Variants in NRROS observed in about 807,000 individuals in gnomAD.
NRROS encodes transforming growth factor beta activator LRRC33.
Under a neutral mutation model 12.0 loss-of-function variants are expected in NRROS, and 6 were observed. The ratio of observed to expected loss-of-function variants is 0.50; its 90% CI spans 0.27 to 0.98. NRROS has a LOEUF of 0.98. NRROS is among the 50% of genes least tolerant of loss of function. NRROS has a pLI of 0.11. For missense variants in NRROS, 857 were observed against 888.2 expected (o/e 0.96, Z 0.45); for synonymous variants, 462 against 410.2 (o/e 1.13, Z -1.53).
In NRROS at chr3:196,654,257, G is replaced by A. The variant is rs1256109380; in HGVS notation, c.-13-270G>A. On this transcript the variant is annotated intron_variant, in intron 1 of 2. Transcript: ENST00000328557. This position sits in a 1 kb window ranked among gnomAD's most constrained non-coding sequence, Gnocchi z 4.4. Reference sequence around the variant, plus strand: ...CTCAAGCTTTTTGCTTCTCCCTTCTGTGCTGGACTCGCTGAAGTTTAGTGT... The same window carrying A: ...CTCAAGCTTTTTGCTTCTCCCTTCTATGCTGGACTCGCTGAAGTTTAGTGT... Among the ~76,000 whole-genome samples, 1 of 152,204 alleles carries A rather than the reference G, an allele frequency of 6.6e-6. No homozygotes were observed. The highest frequency in any genetic ancestry group is 1.5e-5 in the Non-Finnish European group (1 of 68,030).
rs768300728 is a variant in NRROS at position 196,661,655 on chromosome 3, T to C, written c.2012T>C (p.Val671Ala). ...CTGCTGGTGGCCTGCACTGTCATCG[T>C]CCTCACTTTTAAGAAGCCTCTGCTT... is the stretch of plus-strand genomic sequence containing the variant. ...LTLLVACTVI[V>A]LTFKKPLLQV... is the part of the protein sequence containing the mutation. The change falls in exon 3 of 3, where the codon GTC becomes GCC. Residue 671 changes from valine to alanine, a missense_variant. Transcript: ENST00000328557. 5 of 1,608,152 alleles carry C rather than the reference T, an allele frequency of 3.1e-6. No individual in the cohort carries two copies. Among genetic ancestry groups the C allele is most frequent in the South Asian group, 1.1e-5 (1 of 91,088 alleles).
rs1157225782 is a variant in NRROS, at chr3:196,647,838, C to T, written c.-13-6689C>T. Among the ~76,000 whole-genome samples the T allele has an allele frequency of 3.9e-5, 6 of 151,954 alleles. 1 individual carries two copies. Among genetic ancestry groups the T allele is most frequent in the Admixed American group, 1.3e-4 (2 of 15,246 alleles). On this transcript the variant is annotated intron_variant, in intron 1 of 2. Transcript: ENST00000328557. Reference sequence around the variant, plus strand: ...CCTCCCAAAGTGCTGGGATTACAAGCGTGAGCCACTGCGCCCAGCCACCTG... The same window carrying T: ...CCTCCCAAAGTGCTGGGATTACAAGTGTGAGCCACTGCGCCCAGCCACCTG...
At chr3:196,649,158 G>A (rs1737364909) in intron 1 of NRROS, among the ~76,000 whole-genome samples, 1 of 152,212 alleles carries the variant, frequency 6.6e-6, no homozygotes, top group Admixed American at 6.5e-5. Context: ...AGGGACCAGA[G>A]CTGCTTGCTT....
intron 2 of NRROS, among the ~76,000 whole-genome samples, chr3:196,656,121 C>T (rs1220110030): frequency 2.6e-5 from 4 of 152,092 alleles, no homozygotes; most frequent in African/African-American, 4.8e-5. Flanking sequence ...GAGCTGACAT[C>T]GTGCCACTGC....
In NRROS at chr3:196,661,856, C is replaced by T; in HGVS notation, c.*134C>T. The T allele has an allele frequency of 1.4e-6, 1 of 718,898 alleles. No individual in the cohort carries two copies. Among genetic ancestry groups the T allele is most frequent in the Non-Finnish European group, 2.1e-6 (1 of 473,330 alleles). 44.5% of individuals were successfully genotyped at this position (718,898 alleles called of 1,614,324 possible). A position where few individuals can be genotyped will look rare whatever the true frequency, so the allele number is the denominator to read the frequency against. On this transcript the variant is annotated 3_prime_UTR_variant, in exon 3 of 3. Coordinates refer to ENST00000328557, the MANE Select transcript of NRROS (RefSeq NM_198565.3). ...ATTAAAATTTAATATGTTTCCATTCCTCATCGCCCACCCCACCCCCGCCCC... is the reference window on the plus strand; with the variant it reads ...ATTAAAATTTAATATGTTTCCATTCTTCATCGCCCACCCCACCCCCGCCCC...
intron 2 of NRROS, among the ~76,000 whole-genome samples, chr3:196,656,476 A>G (rs563567164): frequency 6.6e-6 from 1 of 152,298 alleles, no homozygotes; most frequent in East Asian, 1.9e-4. Context: ...TATATACGTA[A>G]TAATAATATC....
Position 196,661,906 on chromosome 3 carries a change from A to G in NRROS, c.*184A>G, listed in dbSNP as rs1243038464. Reference sequence around the variant, plus strand: ...CCACCACCGCCCAAGTTCTTTTTCCATCATTATAATTCATCCTCATTATCT... The same window carrying G: ...CCACCACCGCCCAAGTTCTTTTTCCGTCATTATAATTCATCCTCATTATCT... On this transcript the variant is annotated 3_prime_UTR_variant, in exon 3 of 3. Transcript: ENST00000328557. 1 of 410,786 alleles carries G rather than the reference A, an allele frequency of 2.4e-6. No homozygotes were observed. The highest frequency in any genetic ancestry group is 4.0e-6 in the Non-Finnish European group (1 of 248,326). The allele number at this position is 410,786 out of a possible 1,614,324, so 25.4% of individuals were successfully genotyped here.
intron 1 of NRROS, 138 bp downstream of exon 1, chr3:196,640,013 T>C (rs937593395): frequency 6.6e-6 from 1 of 152,404 alleles, no homozygotes; most frequent in Non-Finnish European, 1.5e-5. Flanking sequence ...AGCTGTGGCT[T>C]GCTGCGTCCA....
chr3:196,642,137 C>G (rs1202666635), intron 1 of NRROS, among the ~76,000 whole-genome samples: 1 of 152,048 alleles, frequency 6.6e-6, no homozygotes, highest in African/African-American at 2.4e-5. Flanking sequence ...TCTGAAAGCT[C>G]AGAGACGTGA....
chr3:196,654,335 A>G lies in NRROS; in HGVS notation c.-13-192A>G, dbSNP rs1560054334. ...GGCAAAATGAAATTGAGTTCTTGTCAACAGTTTCAGTGAAAGGCCGGAAGT... is the reference window on the plus strand; with the variant it reads ...GGCAAAATGAAATTGAGTTCTTGTCGACAGTTTCAGTGAAAGGCCGGAAGT... On this transcript the variant is annotated intron_variant, in intron 1 of 2. Transcript: ENST00000328557. This position sits in a 1 kb window ranked among gnomAD's most constrained non-coding sequence, Gnocchi z 4.4. Among the ~76,000 whole-genome samples the G allele has an allele frequency of 6.6e-6, 1 of 152,200 alleles. No individual in the cohort carries two copies. The highest frequency in any genetic ancestry group is 1.5e-5 in the Non-Finnish European group (1 of 68,036).
At chr3:196,642,659 G>A (rs1365018528) in intron 1 of NRROS, among the ~76,000 whole-genome samples, 1 of 152,210 alleles carries the variant, frequency 6.6e-6, no homozygotes, top group Non-Finnish European at 1.5e-5. Context: ...CCCCGCCCTG[G>A]AACCAGGAGC....
At chr3:196,651,356 T>C (rs549176999) in intron 1 of NRROS, among the ~76,000 whole-genome samples, 1 of 152,288 alleles carries the variant, frequency 6.6e-6, no homozygotes, top group Non-Finnish European at 1.5e-5. Flanking sequence ...AGAGGATATT[T>C]AATGCAAGAA....
intron 1 of NRROS, among the ~76,000 whole-genome samples, chr3:196,646,752 C>A (rs1279823149): frequency 6.6e-6 from 1 of 152,294 alleles, no homozygotes; most frequent in African/African-American, 2.4e-5. Context: ...CTCATCCATT[C>A]CCAGAGAGTC....
intron 1 of NRROS, among the ~76,000 whole-genome samples, chr3:196,641,099 A>G (rs2108634213): frequency 6.6e-6 from 1 of 152,204 alleles, no homozygotes; most frequent in East Asian, 1.9e-4. Flanking sequence ...TTATAGAATC[A>G]TGGGCCCAGG....
At position 196,661,613 on chromosome 3, in the gene NRROS, T is replaced by C. The variant is rs1417199460; in HGVS notation, c.1970T>C (p.Leu657Pro). 3 of 1,613,112 alleles carry C rather than the reference T, an allele frequency of 1.9e-6. No homozygotes were observed. In the South Asian group the frequency reaches 3.3e-5, roughly 18 times the overall value. ...GGCCTGCTCTACCTCGTGCTCATCC[T>C]CCCCAGCTGCCTCACCCTGCTGGTG... ...DLGLLYLVLI[L>P]PSCLTLLVAC... Residue 657 changes from leucine (L) to proline (P), a missense_variant, in exon 3 of 3, where the codon CTC (leucine) becomes CCC (proline). Leu to Pro is a moderately conservative substitution (Grantham distance 98). Transcript: ENST00000328557.
chr3:196,654,258 T>C lies in NRROS; in HGVS notation c.-13-269T>C, dbSNP rs1737489251. 6.6e-6 allele frequency among the ~76,000 whole-genome samples: 1 copy of C among 152,220 alleles called. No homozygotes were observed. Among genetic ancestry groups the C allele is most frequent in the African/African-American group, 2.4e-5 (1 of 41,460 alleles). ...TCAAGCTTTTTGCTTCTCCCTTCTG[T>C]GCTGGACTCGCTGAAGTTTAGTGTT... On this transcript the variant is annotated intron_variant, in intron 1 of 2. Transcript: ENST00000328557. The surrounding 1 kb of genome is among the most constrained non-coding windows in gnomAD (Gnocchi z 4.4).
In NRROS at chr3:196,646,880, C is replaced by A. The variant is rs75090899; in HGVS notation, c.-14+7005C>A. Among the ~76,000 whole-genome samples the A allele has an allele frequency of 1.4e-4, 21 of 152,302 alleles. No homozygotes were observed. In the South Asian group the frequency reaches 2.3e-3, roughly 17 times the overall value. On this transcript the variant is annotated intron_variant, in intron 1 of 2. Transcript: ENST00000328557. ...CATGGCACTGCCTTCGCCGAGCCGC[C>A]GCGTGCCTCTCTTTTCACCTCTCTG...
intron 2 of NRROS, among the ~76,000 whole-genome samples, chr3:196,657,837 G>A (rs1737572270): frequency 6.6e-6 from 1 of 152,118 alleles, no homozygotes; most frequent in Non-Finnish European, 1.5e-5. Context: ...ACGTTCGTCT[G>A]GAAATTAGAG....
Position 196,660,963 on chromosome 3 carries a change from T to G in NRROS, c.1320T>G (p.Leu440=). 1 of 1,614,192 alleles carries G rather than the reference T, an allele frequency of 6.2e-7. No individual in the cohort carries two copies. ...TLDMSHNQIS[L]CPLPAASDRV... ...ACATGAGCCACAATCAGATCTCACT[T>G]TGTCCCCTGCCAGCTGCCTCGGACC... The change falls in exon 3 of 3, where the codon CTT becomes CTG. Residue 440 remains leucine, a synonymous_variant. Transcript: ENST00000328557. This position sits in a 1 kb window ranked among gnomAD's most constrained non-coding sequence, Gnocchi z 7.7.
Sources: allele counts gnomAD v4.1 joint callset (sites outside exome capture counted in the v4.1 genomes callset), GRCh38; gene constraint gnomAD v4.1.1; non-coding constraint Gnocchi (gnomAD v3.1); transcripts MANE v1.5; gene names NCBI Gene and HGNC (gene_info 2026-07-23, HGNC 2026-07-21).